NECAP2: variants seen among roughly 807,000 people sequenced by gnomAD.
NECAP2 encodes adaptin ear-binding coat-associated protein 2.
Under a neutral mutation model 37.8 loss-of-function variants are expected in NECAP2, and 38 were observed. The observed-to-expected ratio is 1.01, with a 90% CI of 0.78 to 1.32. The LOEUF (loss-of-function observed/expected upper bound fraction) is 1.32. Among genes scored for constraint, NECAP2 ranks in the 40% most tolerant of loss-of-function variants. The pLI is 0.00. For missense variants in NECAP2, 316 were observed against 334.5 expected (o/e 0.94, Z 0.43); for synonymous variants, 121 against 127.7 (o/e 0.95, Z 0.35).
In NECAP2 at chr1:16,459,127, T is replaced by G; in HGVS notation, c.*237T>G. 1.1e-6 allele frequency: 1 copy of G among 872,184 alleles called. No homozygotes were observed. The allele number at this position is 872,184 out of a possible 1,614,324, so 54.0% of individuals were successfully genotyped here. On this transcript the variant is annotated 3_prime_UTR_variant, in exon 8 of 8. Transcript: ENST00000337132. ...ACACAGGAGAAGAAAAGCTCCAGGA[T>G]CCCTGTCCCCATCTGTCCTCTTGAT...
intron 2 of NECAP2, among the ~76,000 whole-genome samples, chr1:16,447,275 C>T (rs960031326): frequency 1.5e-4 from 22 of 147,598 alleles, no homozygotes; most frequent in African/African-American, 5.5e-4. Context: ...GCCGCACTGT[C>T]GAGTGCTGTA....
intron 6 of NECAP2, chr1:16,455,568 C>T (rs1426851800): frequency 2.2e-5 from 11 of 491,732 alleles, no homozygotes; most frequent in Non-Finnish European, 3.7e-5. Flanking sequence ...GGGCACCCCT[C>T]GTTCCACCTT....
intron 6 of NECAP2, 52 bp downstream of exon 6, chr1:16,452,067 C>T: frequency 6.7e-7 from 1 of 1,496,724 alleles, no homozygotes; most frequent in Non-Finnish European, 9.0e-7. Context: ...CTCCTCTTCT[C>T]CCTGGCAGCC....
rs1478359822 is a variant in NECAP2 at position 16,448,611 on chromosome 1, C to T, written c.380+470C>T. Among the ~76,000 whole-genome samples, 8 of 152,210 alleles carry T rather than the reference C, an allele frequency of 5.3e-5. No individual in the cohort carries two copies. The South Asian group carries it at 6.2e-4, about 12-fold the overall frequency. On this transcript the variant is annotated intron_variant, in intron 4 of 7. Coordinates refer to ENST00000337132, the MANE Select transcript of NECAP2 (RefSeq NM_018090.5). ...CGGCCACTCACATGGGCGCCTCTGG[C>T]TCTTCCCTTACCGGTGCTGCTGGGT...
rs1407750869 is a variant in NECAP2 at position 16,458,970 on chromosome 1, C to T, written c.*80C>T. Reference sequence around the variant, plus strand: ...CCAAAGGAAGGAGGACGAAGCCCTCCTCAGCTGGCCTGTGTTTGGGGCATG... The same window carrying T: ...CCAAAGGAAGGAGGACGAAGCCCTCTTCAGCTGGCCTGTGTTTGGGGCATG... On this transcript the variant is annotated 3_prime_UTR_variant, in exon 8 of 8. Transcript: ENST00000337132. 3.1e-6 allele frequency: 5 copies of T among 1,610,932 alleles called. No homozygotes were observed. The highest frequency in any genetic ancestry group is 1.7e-6 in the Non-Finnish European group (2 of 1,178,658).
intron 6 of NECAP2, chr1:16,455,425 G>C (rs1226841211): frequency 5.0e-6 from 1 of 199,860 alleles, no homozygotes; most frequent in Non-Finnish European, 1.0e-5. Flanking sequence ...TTGCGGTTTT[G>C]GTGGACATTC....
chr1:16,455,733 T>G, intron 6 of NECAP2, 85 bp from the exon 7 acceptor site: 2 of 1,058,740 alleles, frequency 1.9e-6, no homozygotes, highest in Non-Finnish European at 2.9e-6. Flanking sequence ...AGTCTCATGA[T>G]TTGGTCATTG....
chr1:16,447,886 G>T lies in NECAP2; in HGVS notation c.210G>T (p.Gln70His). The T allele has an allele frequency of 6.2e-7, 1 of 1,614,148 alleles. No individual in the cohort carries two copies. ...EDRTSGELFA[Q>H]APVDQFPGTA... Reference sequence around the variant, plus strand: ...TGCTTTCAGGGGAGCTCTTTGCTCAGGCCCCGGTGGATCAGTTTCCTGGCA... The same window carrying T: ...TGCTTTCAGGGGAGCTCTTTGCTCATGCCCCGGTGGATCAGTTTCCTGGCA... The change falls in exon 3 of 8, where the codon CAG (glutamine) becomes CAT (histidine). Residue 70 changes from glutamine (Q) to histidine (H), a missense_variant. By Grantham distance (24) the Gln-to-His change is conservative. This residue lies in a region of NECAP2 where 81 missense variants were observed against 124.2 expected (regional missense o/e 0.65). Transcript: ENST00000337132.
At chr1:16,444,631 C>T (rs984366442) in intron 2 of NECAP2, among the ~76,000 whole-genome samples, 1 of 152,176 alleles carries the variant, frequency 6.6e-6, no homozygotes, top group Non-Finnish European at 1.5e-5. Context: ...GCTTTACGGA[C>T]TGCGAGGCAA....
At chr1:16,450,324 C>A in intron 5 of NECAP2, 2 of 342,808 alleles carry the variant, frequency 5.8e-6, no homozygotes, top group Admixed American at 4.0e-5. Context: ...GTGAATTAAA[C>A]ATCCTCTCCC....
chr1:16,452,262 TC>T (rs1443267183), intron 6 of NECAP2, among the ~76,000 whole-genome samples: 1 of 152,164 alleles, frequency 6.6e-6, no homozygotes, highest in East Asian at 1.9e-4. Flanking sequence ...TACTGTGAAA[TC>T]ATCAACATGT....
chr1:16,449,202 G>C lies in NECAP2; in HGVS notation c.489+1G>C. The C allele has an allele frequency of 6.2e-7, 1 of 1,604,978 alleles. No homozygotes were observed. Among genetic ancestry groups the C allele is most frequent in the Non-Finnish European group, 8.5e-7 (1 of 1,174,182 alleles). On this transcript the variant is annotated splice_donor_variant, in intron 5 of 7. Transcript: ENST00000337132. LOFTEE classifies it high-confidence loss of function. ...CCAGACCATCAAGCTCAACATCGCAGTGAGTTCTACCCTTGCTTGGCTGTG... is the reference window on the plus strand; with the variant it reads ...CCAGACCATCAAGCTCAACATCGCACTGAGTTCTACCCTTGCTTGGCTGTG...
At chr1:16,440,877 G>A in intron 1 of NECAP2, 24 bp downstream of exon 1, 1 of 1,596,858 alleles carries the variant, frequency 6.3e-7, no homozygotes. Flanking sequence ...GCCAGACCAG[G>A]CTAGCTCCAA....
Position 16,458,497 on chromosome 1 carries a change from A to G in NECAP2, c.744-345A>G, listed in dbSNP as rs569817997. Among the ~76,000 whole-genome samples the G allele has an allele frequency of 1.2e-3, 187 of 151,922 alleles. 1 individual carries two copies. The highest frequency in any genetic ancestry group is 4.4e-3 in the African/African-American group (183 of 41,480). On this transcript the variant is annotated intron_variant, in intron 7 of 7. Coordinates refer to ENST00000337132, the MANE Select transcript of NECAP2 (RefSeq NM_018090.5). The stretch of plus-strand genomic sequence containing the variant: ...TTCCAGCTACTAGGGAGGCTGAGGT[A>G]GGAGGATCGCTTGAGCTCAAGAGGT...
intron 4 of NECAP2, chr1:16,448,367 C>T (rs1327387249): frequency 1.7e-6 from 1 of 577,670 alleles, no homozygotes; most frequent in Non-Finnish European, 3.1e-6. Flanking sequence ...TCGGGCCTGC[C>T]ACCTGTCTCC....
chr1:16,452,921 T>C (rs2086867596), intron 6 of NECAP2, among the ~76,000 whole-genome samples: 2 of 152,010 alleles, frequency 1.3e-5, no homozygotes, highest in Non-Finnish European at 1.5e-5. Flanking sequence ...CTCCCCAACA[T>C]TGGCTGCCCT....
chr1:16,455,356 G>A (rs564461467), intron 6 of NECAP2, among the ~76,000 whole-genome samples: 1 of 152,334 alleles, frequency 6.6e-6, no homozygotes, highest in African/African-American at 2.4e-5. Context: ...TGGCTGGCAC[G>A]TAGTGTTCTC....
intron 4 of NECAP2, among the ~76,000 whole-genome samples, chr1:16,448,616 C>G (rs1332601541): frequency 6.6e-6 from 1 of 152,188 alleles, no homozygotes; most frequent in Non-Finnish European, 1.5e-5. Context: ...TCTGGCTCTT[C>G]CCTTACCGGT....
At chr1:16,454,417 A>G (rs1284659484) in intron 6 of NECAP2, among the ~76,000 whole-genome samples, 2 of 148,948 alleles carry the variant, frequency 1.3e-5, no homozygotes, top group Non-Finnish European at 3.0e-5. Flanking sequence ...GTGCAGTGGC[A>G]TGATCTCAGC....
Sources: allele counts gnomAD v4.1 joint callset (sites outside exome capture counted in the v4.1 genomes callset), GRCh38; gene constraint gnomAD v4.1.1; regional missense constraint gnomAD v4.1.1; transcripts MANE v1.5; gene names NCBI Gene and HGNC (gene_info 2026-07-23, HGNC 2026-07-21).